ADAM10: variants seen among roughly 807,000 people sequenced by gnomAD.
ADAM10 encodes the protein disintegrin and metalloproteinase domain-containing protein 10.
A neutral mutation model predicts 90.1 loss-of-function variants in ADAM10; 17 were observed. The observed-to-expected ratio is 0.19, with a 90% CI of 0.13 to 0.28. The LOEUF (loss-of-function observed/expected upper bound fraction) is 0.28. Among genes scored for constraint, ADAM10 ranks in the 10% least tolerant of loss-of-function variants. ADAM10 has a pLI of 1.00. For synonymous variants in ADAM10, 310 were observed against 298.6 expected (o/e 1.04, Z -0.40); for missense variants, 610 against 914.3 (o/e 0.67, Z 4.29).
At chr15:58,601,709 T>A (rs1895116739) in intron 14 of ADAM10, among the ~76,000 whole-genome samples, 1 of 152,194 alleles carries the variant, frequency 6.6e-6, no homozygotes, top group South Asian at 2.1e-4. Context: ...CAGTTCAGAA[T>A]CGTGTGCTAT....
At chr15:58,667,434 T>G (rs1402998190) in intron 4 of ADAM10, among the ~76,000 whole-genome samples, 1 of 152,088 alleles carries the variant, frequency 6.6e-6, no homozygotes, top group Non-Finnish European at 1.5e-5. Context: ...AGGGTACCCC[T>G]CAGCCTTATG....
At chr15:58,668,067 G>GT (rs779606346) in intron 4 of ADAM10, among the ~76,000 whole-genome samples, 6 of 152,116 alleles carry the variant, frequency 3.9e-5, no homozygotes, top group Non-Finnish European at 8.8e-5. Context: ...CACCCCATGG[G>GT]TTTTAGAAAG....
rs1356483328 is a variant in ADAM10 at position 58,683,178 on chromosome 15, T to C, written c.207-864A>G. 2.6e-5 allele frequency among the ~76,000 whole-genome samples: 4 copies of C among 152,304 alleles called. No individual in the cohort carries two copies. In the East Asian group the frequency reaches 5.8e-4, roughly 22 times the overall value. ...TAAAATGGCAACAAATTAGCTAACATTACTCAACTCTGTTAAAAGTATATC... is the reference window on the plus strand; with the variant it reads ...TAAAATGGCAACAAATTAGCTAACACTACTCAACTCTGTTAAAAGTATATC... On this transcript the variant is annotated intron_variant, in intron 2 of 15. Coordinates refer to ENST00000260408, the MANE Select transcript of ADAM10 (RefSeq NM_001110.4).
Position 58,690,117 on chromosome 15 carries a change from C to T in ADAM10, c.207-7803G>A, listed in dbSNP as rs141013275. On this transcript the variant is annotated intron_variant, in intron 2 of 15. Coordinates refer to ENST00000260408, the MANE Select transcript of ADAM10 (RefSeq NM_001110.4). Reference sequence around the variant, plus strand: ...TTCTAAAATCATCAATGTAATTCACCGCATTCAAAGGGGAGAAAAGCCACA... The same window carrying T: ...TTCTAAAATCATCAATGTAATTCACTGCATTCAAAGGGGAGAAAAGCCACA... 2.9e-3 allele frequency among the ~76,000 whole-genome samples: 445 copies of T among 152,108 alleles called. 2 individuals carry two copies. Among genetic ancestry groups the T allele is most frequent in the Non-Finnish European group, 4.0e-3 (272 of 68,000 alleles).
At chr15:58,705,941 T>C (rs147437283) in intron 2 of ADAM10, among the ~76,000 whole-genome samples, 114 of 152,334 alleles carry the variant, frequency 7.5e-4, no homozygotes, top group African/African-American at 2.5e-3. Context: ...AAACTGACCT[T>C]TATCATAGGT....
chr15:58,631,175 C>G (rs1353827428), intron 9 of ADAM10, among the ~76,000 whole-genome samples: 1 of 152,136 alleles, frequency 6.6e-6, no homozygotes, highest in Non-Finnish European at 1.5e-5. Context: ...GATGCCAGCA[C>G]CATGCTTTTT....
intron 11 of ADAM10, among the ~76,000 whole-genome samples, chr15:58,619,120 G>C (rs1280574214): frequency 6.6e-6 from 1 of 152,080 alleles, no homozygotes; most frequent in African/African-American, 2.4e-5. Flanking sequence ...GAGACAAATG[G>C]ATAAAGAAAA....
At chr15:58,657,753 T>G (rs929989068) in intron 5 of ADAM10, among the ~76,000 whole-genome samples, 1 of 152,188 alleles carries the variant, frequency 6.6e-6, no homozygotes, top group Non-Finnish European at 1.5e-5. Context: ...GTCTGGACGC[T>G]TGTGGATGTT....
intron 2 of ADAM10, among the ~76,000 whole-genome samples, chr15:58,705,631 G>C (rs1439286515): frequency 1.3e-5 from 2 of 152,142 alleles, no homozygotes; most frequent in Non-Finnish European, 1.5e-5. Context: ...CTTTGGTGCA[G>C]AGCAACAAAA....
chr15:58,641,683 A>C (rs966788098), intron 7 of ADAM10, among the ~76,000 whole-genome samples: 2 of 152,206 alleles, frequency 1.3e-5, no homozygotes, highest in Non-Finnish European at 2.9e-5. Flanking sequence ...TATTAAACAA[A>C]AGCTTTTATT....
chr15:58,614,130 A>G (rs1476867458), intron 11 of ADAM10, among the ~76,000 whole-genome samples: 4 of 152,066 alleles, frequency 2.6e-5, no homozygotes, highest in Admixed American at 2.6e-4. Context: ...AAAAATACGA[A>G]AAAAACTAGC....
chr15:58,736,953 T>G (rs1177723295), intron 1 of ADAM10, among the ~76,000 whole-genome samples: 4 of 151,718 alleles, frequency 2.6e-5, no homozygotes, highest in Non-Finnish European at 5.9e-5. Context: ...CATCTCTAGT[T>G]TTTTTTTAAG....
At chr15:58,715,843 T>C (rs533262811) in intron 2 of ADAM10, among the ~76,000 whole-genome samples, 30 of 152,364 alleles carry the variant, frequency 2.0e-4, no homozygotes, top group African/African-American at 6.7e-4. Context: ...TCTAATTATA[T>C]AATAGGAATA....
intron 2 of ADAM10, among the ~76,000 whole-genome samples, chr15:58,685,493 C>T (rs975707270): frequency 1.1e-5 from 1 of 92,894 alleles, no homozygotes. Flanking sequence ...AAATAAGATA[C>T]AAAAAAGAAT....
chr15:58,730,904 A>G (rs140486969), intron 1 of ADAM10, among the ~76,000 whole-genome samples: 87 of 152,336 alleles, frequency 5.7e-4, no homozygotes, highest in African/African-American at 2.0e-3. Context: ...AGCCTCAGAC[A>G]GAGTTAAAAT....
intron 8 of ADAM10, among the ~76,000 whole-genome samples, chr15:58,640,419 C>A (rs1449194085): frequency 6.6e-6 from 1 of 151,978 alleles, no homozygotes; most frequent in Non-Finnish European, 1.5e-5. Context: ...ATTCTAAGTA[C>A]CCTATTTTGG....
chr15:58,721,515 G>A (rs998442320), intron 1 of ADAM10, among the ~76,000 whole-genome samples: 7 of 152,070 alleles, frequency 4.6e-5, no homozygotes, highest in Non-Finnish European at 1.0e-4. Context: ...GGGAAATAAG[G>A]GGGCCATGGG....
intron 4 of ADAM10, among the ~76,000 whole-genome samples, chr15:58,673,468 A>G (rs1455654367): frequency 6.7e-6 from 1 of 149,954 alleles, no homozygotes; most frequent in African/African-American, 2.5e-5. Context: ...TAAAAATCTT[A>G]TATTTCTGAA....
At chr15:58,749,069 G>A (rs1264167602) in intron 1 of ADAM10, 8 of 398,814 alleles carry the variant, frequency 2.0e-5, no homozygotes, top group Non-Finnish European at 3.5e-5. Context: ...GATGAGCGCT[G>A]AACGAGGACG....
Sources: gnomAD v4.1 joint callset for allele counts (sites outside exome capture counted in the v4.1 genomes callset) on GRCh38, gnomAD v4.1.1 for gene constraint, MANE v1.5 for transcripts, NCBI Gene and HGNC (gene_info 2026-07-23, HGNC 2026-07-21) for gene names.